KIF13B: variants seen among roughly 807,000 people sequenced by gnomAD.
KIF13B encodes the protein kinesin family member 13B.
KIF13B carries 127 observed loss-of-function variants against 222.0 expected under a neutral mutation model. That is an observed-to-expected ratio of 0.57 (90% CI 0.50 to 0.66). The LOEUF (loss-of-function observed/expected upper bound fraction) is 0.66. Among genes scored for constraint, KIF13B ranks in the 30% least tolerant of loss-of-function variants. The pLI is 0.00. For missense variants in KIF13B, 2,173 were observed against 2,379.0 expected (o/e 0.91, Z 1.80); for synonymous variants, 976 against 919.0 (o/e 1.06, Z -1.12).
chr8:29,109,641 T>A (rs546549709), intron 33 of KIF13B, 130 bp from the exon 34 acceptor site: 2 of 812,396 alleles, frequency 2.5e-6, no homozygotes, highest in South Asian at 3.0e-5. Context: ...TGCTGTTACG[T>A]GATTATTACG....
chr8:29,090,422 T>C (rs1193654021), intron 37 of KIF13B, among the ~76,000 whole-genome samples: 3 of 152,152 alleles, frequency 2.0e-5, no homozygotes, highest in African/African-American at 4.8e-5. Context: ...AAAGACTTGA[T>C]GGAATCTACA....
intron 2 of KIF13B, among the ~76,000 whole-genome samples, chr8:29,206,108 TTAAC>T (rs966388643): frequency 2.0e-5 from 3 of 151,446 alleles, no homozygotes; most frequent in African/African-American, 7.3e-5. Flanking sequence ...AAAAATGAAA[TTAAC>T]TAATTCCCCC....
intron 28 of KIF13B, among the ~76,000 whole-genome samples, 179 bp downstream of exon 28, chr8:29,123,185 AAC>A (rs1175308928): frequency 2.0e-5 from 3 of 152,256 alleles, no homozygotes; most frequent in African/African-American, 7.2e-5. Context: ...TATTTAATAA[AAC>A]AGTTTTAGGC....
At chr8:29,162,881 G>A (rs916204126) in intron 12 of KIF13B, among the ~76,000 whole-genome samples, 10 of 152,068 alleles carry the variant, frequency 6.6e-5, no homozygotes, top group African/African-American at 1.9e-4. Context: ...ATAAAATGTC[G>A]GATAGTAAAT....
intron 6 of KIF13B, among the ~76,000 whole-genome samples, chr8:29,183,805 A>AGCGAGT (rs1291653079): frequency 6.6e-6 from 1 of 152,176 alleles, no homozygotes; most frequent in Non-Finnish European, 1.5e-5. Context: ...TCATTTGGAG[A>AGCGAGT]GCGAGTGCTA....
intron 18 of KIF13B, 93 bp downstream of exon 18, chr8:29,146,285 C>T (rs2129979623): frequency 1.5e-6 from 2 of 1,326,304 alleles, no homozygotes. Flanking sequence ...GGGGCAGGCA[C>T]AGACAGGGAT....
intron 7 of KIF13B, among the ~76,000 whole-genome samples, chr8:29,180,503 G>A (rs1178863956): frequency 6.6e-6 from 1 of 152,152 alleles, no homozygotes; most frequent in Non-Finnish European, 1.5e-5. Flanking sequence ...GGTCACACAA[G>A]ATGAACAAGT....
chr8:29,263,140 G>A (rs1816754335), upstream of KIF13B: 2 of 501,414 alleles, frequency 4.0e-6, no homozygotes, highest in Non-Finnish European at 7.1e-6. Flanking sequence ...CGGGGGTGGG[G>A]ACCGGGCTGG....
rs1436908794 is a variant in KIF13B, at chr8:29,068,728, A to G, written c.*1776T>C. 6.6e-6 allele frequency: 1 copy of G among 152,438 alleles called. No homozygotes were observed. The highest frequency in any genetic ancestry group is 2.4e-5 in the African/African-American group (1 of 41,466). 9.4% of individuals were successfully genotyped at this position (152,438 alleles called of 1,614,324 possible). On this transcript the variant is annotated 3_prime_UTR_variant, in exon 40 of 40. Transcript: ENST00000524189. The surrounding 1 kb of genome is among the most constrained non-coding windows in gnomAD (Gnocchi z 4.4). ...AGTGCTGGCCTCTCACCCAGGCCAT[A>G]GTGACACCAGCGGACCCAAAAACAA...
intron 2 of KIF13B, among the ~76,000 whole-genome samples, chr8:29,232,240 G>A (rs1040200256): frequency 6.6e-6 from 1 of 151,644 alleles, no homozygotes; most frequent in Admixed American, 6.6e-5. Context: ...TCCAGCCTGG[G>A]CAACAGAGTG....
chr8:29,251,119 C>A (rs189325670), intron 1 of KIF13B, among the ~76,000 whole-genome samples: 45 of 152,076 alleles, frequency 3.0e-4, no homozygotes, highest in Non-Finnish European at 6.0e-4. Flanking sequence ...CCTCTGCACT[C>A]CAGCCTGGGC....
At chr8:29,161,447 G>A (rs148335381) in intron 12 of KIF13B, among the ~76,000 whole-genome samples, 4,993 of 152,302 alleles carry the variant, frequency 0.033, 279 homozygotes, top group African/African-American at 0.11. Context: ...GCTCATGCCT[G>A]TAATCCCAGC....
chr8:29,248,745 T>G (rs1424676277), intron 1 of KIF13B, among the ~76,000 whole-genome samples: 1 of 152,144 alleles, frequency 6.6e-6, no homozygotes, highest in African/African-American at 2.4e-5. Flanking sequence ...CAAGCTACAC[T>G]GTGTATGAAG....
intron 8 of KIF13B, 39 bp downstream of exon 8, chr8:29,180,065 T>C (rs1205513765): frequency 1.2e-6 from 2 of 1,608,880 alleles, no homozygotes; most frequent in African/African-American, 2.7e-5. Context: ...ACAATCCACT[T>C]TAGAAATATA....
chr8:29,198,669 G>A (rs1790841330), intron 2 of KIF13B, among the ~76,000 whole-genome samples: 1 of 152,144 alleles, frequency 6.6e-6, no homozygotes. Context: ...ATTTGATCCA[G>A]CAACCCCACT....
In KIF13B at chr8:29,090,826, C is replaced by T. The variant is rs189031542; in HGVS notation, c.4458+1919G>A. ...CCGCGTTCAAGCGATTCTCATGCCT[C>T]ATAGCCTCATTCTAATTCTCATAGC... On this transcript the variant is annotated intron_variant, in intron 37 of 39. Transcript: ENST00000524189. Among the ~76,000 whole-genome samples the T allele has an allele frequency of 2.5e-4, 38 of 152,302 alleles. No homozygotes were observed. In the South Asian group the frequency reaches 5.0e-3, roughly 20 times the overall value.
intron 37 of KIF13B, 143 bp downstream of exon 37, chr8:29,092,602 G>A: frequency 1.3e-6 from 1 of 791,314 alleles, no homozygotes; most frequent in Non-Finnish European, 1.9e-6. Flanking sequence ...GAGTGGCGGA[G>A]AAAAGACCGA....
At chr8:29,103,507 T>C (rs562211690) in intron 35 of KIF13B, among the ~76,000 whole-genome samples, 7 of 152,164 alleles carry the variant, frequency 4.6e-5, no homozygotes, top group African/African-American at 7.2e-5. Context: ...GAAACACTAC[T>C]TCCATCAGGG....
Position 29,070,224 on chromosome 8 carries a change from C to T in KIF13B, c.*280G>A. The T allele has an allele frequency of 2.0e-6, 1 of 512,108 alleles. No homozygotes were observed. Among genetic ancestry groups the T allele is most frequent in the Non-Finnish European group, 3.4e-6 (1 of 289,982 alleles). The allele number at this position is 512,108 out of a possible 1,614,324, so 31.7% of individuals were successfully genotyped here. ...CACAGCAAGATCACCAGGCGCTGCA[C>T]CACCCAGGGTCTCAGTCCTAGCATC... is the stretch of plus-strand genomic sequence containing the variant. On this transcript the variant is annotated 3_prime_UTR_variant, in exon 40 of 40. Coordinates refer to ENST00000524189, the MANE Select transcript of KIF13B (RefSeq NM_015254.4). The surrounding 1 kb of genome is among the most constrained non-coding windows in gnomAD (Gnocchi z 4.1).
Sources: gnomAD v4.1 joint callset for allele counts (sites outside exome capture counted in the v4.1 genomes callset) on GRCh38, gnomAD v4.1.1 for gene constraint, Gnocchi (gnomAD v3.1) non-coding constraint, MANE v1.5 for transcripts, NCBI Gene and HGNC (gene_info 2026-07-23, HGNC 2026-07-21) for gene names.